Variants in SNTG1 observed in about 807,000 individuals in gnomAD.
SNTG1 encodes the protein syntrophin gamma 1.
In SNTG1, 39 loss-of-function variants were observed where a neutral mutation model predicts 74.7. The observed-to-expected ratio is 0.52, with a 90% CI of 0.40 to 0.68. The LOEUF (loss-of-function observed/expected upper bound fraction) is 0.68, where lower values mean the gene tolerates loss of function less well. Among genes scored for constraint, SNTG1 ranks in the 30% least tolerant of loss-of-function variants. SNTG1 has a pLI of 0.00. For synonymous variants in SNTG1, 254 were observed against 217.1 expected, an observed-to-expected ratio of 1.17 and a Z score of -1.49; for missense variants, 685 against 609.5, an observed-to-expected ratio of 1.12 and a Z score of -1.30.
intron 1 of SNTG1, among the ~76,000 whole-genome samples, chr8:50,140,414 A>C (rs898980689): frequency 2.3e-4 from 35 of 152,092 alleles, no homozygotes; most frequent in African/African-American, 7.7e-4. Flanking sequence ...TGTGTCTGAA[A>C]GAGAGTGTGT....
chr8:50,477,054 T>C (rs1256608180), intron 8 of SNTG1, among the ~76,000 whole-genome samples: 1 of 152,102 alleles, frequency 6.6e-6, no homozygotes, highest in African/African-American at 2.4e-5. Context: ...GAGTCCTCGG[T>C]GACATAGATG....
chr8:50,485,993 T>C (rs1372391101), intron 8 of SNTG1, among the ~76,000 whole-genome samples: 1 of 151,984 alleles, frequency 6.6e-6, no homozygotes, highest in Non-Finnish European at 1.5e-5. Flanking sequence ...ATATGCGGCG[T>C]TATTTCTGAG....
intron 12 of SNTG1, among the ~76,000 whole-genome samples, chr8:50,555,358 C>A (rs1410967770): frequency 6.6e-6 from 1 of 152,076 alleles, no homozygotes; most frequent in Admixed American, 6.6e-5. Context: ...ATGGAAAGTA[C>A]TACATAAATG....
chr8:50,205,277 T>G (rs1216684059), intron 2 of SNTG1, among the ~76,000 whole-genome samples: 3 of 152,226 alleles, frequency 2.0e-5, no homozygotes, highest in African/African-American at 7.2e-5. Flanking sequence ...TGGTGTGTGA[T>G]GGTATCTCAT....
chr8:49,978,861 A>T (rs1034255048), intron 1 of SNTG1, among the ~76,000 whole-genome samples: 2 of 152,174 alleles, frequency 1.3e-5, no homozygotes, highest in South Asian at 4.1e-4. Flanking sequence ...AATATCCTCC[A>T]ATTATTAGCT....
intron 17 of SNTG1, among the ~76,000 whole-genome samples, chr8:50,719,155 C>T (rs961249276): frequency 6.6e-6 from 1 of 152,090 alleles, no homozygotes; most frequent in African/African-American, 2.4e-5. Context: ...TAAACAAAAA[C>T]AAAAATAACC....
At chr8:50,728,261 TGA>T (rs1245456391) in intron 17 of SNTG1, among the ~76,000 whole-genome samples, 9 of 152,136 alleles carry the variant, frequency 5.9e-5, no homozygotes, top group African/African-American at 1.9e-4. Flanking sequence ...AAGAGGCCAT[TGA>T]ACTGTCTGTC....
At chr8:50,256,504 G>A (rs879524346) in intron 2 of SNTG1, among the ~76,000 whole-genome samples, 15 of 151,920 alleles carry the variant, frequency 9.9e-5, no homozygotes, top group African/African-American at 3.1e-4. Flanking sequence ...TGTGAGTATG[G>A]ATAAAACATG....
At chr8:50,246,275 C>A (rs1586829216) in intron 2 of SNTG1, among the ~76,000 whole-genome samples, 1 of 151,840 alleles carries the variant, frequency 6.6e-6, no homozygotes, top group Non-Finnish European at 1.5e-5. Context: ...GCTTAAGGAG[C>A]AGATACAAGG....
chr8:50,088,973 G>A (rs1392212680), intron 1 of SNTG1, among the ~76,000 whole-genome samples: 1 of 151,482 alleles, frequency 6.6e-6, no homozygotes, highest in Non-Finnish European at 1.5e-5. Context: ...AAAGAACAAA[G>A]CTGGAGGCAT....
At chr8:50,243,097 CA>C (rs2086237031) in intron 2 of SNTG1, among the ~76,000 whole-genome samples, 1 of 151,872 alleles carries the variant, frequency 6.6e-6, no homozygotes, top group Non-Finnish European at 1.5e-5. Flanking sequence ...AACTGTTGAA[CA>C]AAAAACATGT....
At chr8:50,679,797 A>G (rs979141661) in intron 15 of SNTG1, among the ~76,000 whole-genome samples, 2 of 152,144 alleles carry the variant, frequency 1.3e-5, no homozygotes, top group Non-Finnish European at 2.9e-5. Flanking sequence ...TGGTGGTGAG[A>G]TGACATTTGA....
intron 1 of SNTG1, among the ~76,000 whole-genome samples, chr8:49,916,290 G>T (rs1179599284): frequency 2.0e-5 from 3 of 151,968 alleles, no homozygotes; most frequent in Admixed American, 6.6e-5. Flanking sequence ...TGAGGCCAGA[G>T]AATTTATCTT....
intron 9 of SNTG1, among the ~76,000 whole-genome samples, chr8:50,510,682 G>A (rs139683117): frequency 6.6e-6 from 1 of 152,062 alleles, no homozygotes. Context: ...ATTTCTTCTA[G>A]GTTTTCTAGT....
At chr8:50,365,377 T>G (rs1355605383) in intron 2 of SNTG1, among the ~76,000 whole-genome samples, 1 of 152,118 alleles carries the variant, frequency 6.6e-6, no homozygotes, top group African/African-American at 2.4e-5. Context: ...TTTACTTTTA[T>G]GTTTGTCATT....
chr8:50,684,634 A>G (rs900358467), intron 15 of SNTG1, among the ~76,000 whole-genome samples: 1 of 152,138 alleles, frequency 6.6e-6, no homozygotes, highest in African/African-American at 2.4e-5. Flanking sequence ...TACATTCTAC[A>G]TATGATCTAT....
At chr8:50,594,587 C>CGT (rs1019043469) in intron 13 of SNTG1, among the ~76,000 whole-genome samples, 5 of 152,000 alleles carry the variant, frequency 3.3e-5, no homozygotes, top group African/African-American at 1.2e-4. Context: ...TAGATGTGTA[C>CGT]ATACCATACA....
At position 50,097,021 on chromosome 8, in the gene SNTG1, G is replaced by T. The variant is rs573305163; in HGVS notation, c.-102-75540G>T. Among the ~76,000 whole-genome samples the T allele has an allele frequency of 1.8e-3, 270 of 152,036 alleles. 2 individuals are homozygous for T. The highest frequency in any genetic ancestry group is 2.2e-3 in the Non-Finnish European group (151 of 67,960). ...GTCTAAATCTGTGGCCCAGGCTGGG[G>T]TGCAGTGGCGTGATCTCTGCTTACT... is the stretch of plus-strand genomic sequence containing the variant. On this transcript the variant is annotated intron_variant, in intron 1 of 18. Transcript: ENST00000642720.
chr8:50,486,979 C>G (rs1474113916), intron 8 of SNTG1, among the ~76,000 whole-genome samples: 3 of 152,296 alleles, frequency 2.0e-5, no homozygotes, highest in Admixed American at 1.3e-4. Context: ...ATTGAACCAG[C>G]CTTGCATCAC....
Sources: allele counts gnomAD v4.1 joint callset (sites outside exome capture counted in the v4.1 genomes callset), GRCh38; gene constraint gnomAD v4.1.1; transcripts MANE v1.5; gene names NCBI Gene and HGNC (gene_info 2026-07-23, HGNC 2026-07-21).